SLC4A4: variants seen among roughly 807,000 people sequenced by gnomAD.
SLC4A4 encodes solute carrier family 4 member 4.
A neutral mutation model predicts 111.5 loss-of-function variants in SLC4A4; 27 were observed. The ratio of observed to expected loss-of-function variants is 0.24; its 90% CI spans 0.18 to 0.33. The LOEUF is 0.33. Ranked by LOEUF, SLC4A4 falls within the 10% of genes least tolerant of loss-of-function variation. SLC4A4 has a pLI of 1.00. For synonymous variants in SLC4A4, 443 were observed against 463.4 expected (o/e 0.96, Z 0.57); for missense variants, 909 against 1,315.5 (o/e 0.69, Z 4.78).
chr4:71,461,598 CCA>C (rs1424732649), intron 12 of SLC4A4, among the ~76,000 whole-genome samples: 1 of 152,070 alleles, frequency 6.6e-6, no homozygotes, highest in Non-Finnish European at 1.5e-5. Flanking sequence ...AGCCCTTGCC[CCA>C]AGTTGCTGAA....
At chr4:71,379,568 C>A (rs2148947970) in intron 6 of SLC4A4, among the ~76,000 whole-genome samples, 1 of 152,220 alleles carries the variant, frequency 6.6e-6, no homozygotes, top group Admixed American at 6.5e-5. Flanking sequence ...AACCCCAACC[C>A]CCTTCCCCCA....
At chr4:71,300,683 G>T in intron 3 of SLC4A4, 1 of 388,796 alleles carries the variant, frequency 2.6e-6, no homozygotes, top group South Asian at 2.4e-5. Context: ...AGGCCCAGCG[G>T]AGTGATATGT....
At chr4:71,471,380 T>C (rs959692389) in intron 13 of SLC4A4, among the ~76,000 whole-genome samples, 9 of 151,906 alleles carry the variant, frequency 5.9e-5, no homozygotes, top group African/African-American at 2.2e-4. Context: ...TGGCTTTGAG[T>C]GAGGCGAGTA....
At chr4:71,494,918 A>G (rs1730265152) in intron 15 of SLC4A4, among the ~76,000 whole-genome samples, 1 of 152,072 alleles carries the variant, frequency 6.6e-6, no homozygotes, top group Admixed American at 6.6e-5. Flanking sequence ...AATACAGATA[A>G]TATAGATGTG....
Position 71,557,489 on chromosome 4 carries a change from T to A in SLC4A4, c.2764-223T>A, listed in dbSNP as rs564917551. On this transcript the variant is annotated intron_variant, in intron 21 of 25. Transcript: ENST00000264485. ...ACCTTATTCTTTAGTGGCCACTTTTTCTTATACATCTACATAACATTCCCG... is the reference window on the plus strand; with the variant it reads ...ACCTTATTCTTTAGTGGCCACTTTTACTTATACATCTACATAACATTCCCG... Among the ~76,000 whole-genome samples, 6 of 152,102 alleles carry A rather than the reference T, an allele frequency of 3.9e-5. No homozygotes were observed. In the East Asian group the frequency reaches 1.2e-3, roughly 30 times the overall value.
chr4:71,436,323 C>T (rs537335496), intron 7 of SLC4A4, among the ~76,000 whole-genome samples: 2 of 152,264 alleles, frequency 1.3e-5, no homozygotes, highest in African/African-American at 4.8e-5. Context: ...AAACCAAGCA[C>T]TGCATGTTCT....
At chr4:71,331,181 C>G (rs1727951723) in intron 3 of SLC4A4, among the ~76,000 whole-genome samples, 1 of 152,150 alleles carries the variant, frequency 6.6e-6, no homozygotes, top group Non-Finnish European at 1.5e-5. Context: ...GGGGATTCCT[C>G]AGGGATCTAG....
At chr4:71,346,828 AC>A (rs1377280688) in intron 4 of SLC4A4, among the ~76,000 whole-genome samples, 1 of 152,152 alleles carries the variant, frequency 6.6e-6, no homozygotes, top group East Asian at 1.9e-4. Flanking sequence ...AGTTCCTTAA[AC>A]AATTAGAGCA....
chr4:71,091,508 C>T (rs1188835497), intron 1 of SLC4A4, among the ~76,000 whole-genome samples: 2 of 151,958 alleles, frequency 1.3e-5, no homozygotes, highest in African/African-American at 4.8e-5. Context: ...TTGTCTCGGC[C>T]TCCCAAAGTG....
chr4:71,521,497 G>T (rs745846546), intron 16 of SLC4A4, among the ~76,000 whole-genome samples: 2 of 152,106 alleles, frequency 1.3e-5, no homozygotes, highest in Non-Finnish European at 2.9e-5. Context: ...GCCTCACAAA[G>T]TAGTGGGATT....
chr4:71,562,578 C>CT (rs896467874), intron 23 of SLC4A4, among the ~76,000 whole-genome samples: 12 of 148,624 alleles, frequency 8.1e-5, no homozygotes, highest in Admixed American at 2.0e-4. Flanking sequence ...GCAACCACTG[C>CT]TTTTTTTTTT....
intron 1 of SLC4A4, among the ~76,000 whole-genome samples, chr4:71,222,874 A>T (rs564016764): frequency 6.6e-6 from 1 of 152,272 alleles, no homozygotes; most frequent in Admixed American, 6.5e-5. Context: ...AACAATTGTG[A>T]TTTCAACTAT....
chr4:71,349,351 TAAAG>T (rs1729609095), intron 4 of SLC4A4, among the ~76,000 whole-genome samples: 1 of 152,204 alleles, frequency 6.6e-6, no homozygotes, highest in Non-Finnish European at 1.5e-5. Context: ...ATATGTATAT[TAAAG>T]GAAGACACAA....
At chr4:71,374,949 T>C (rs990862577) in intron 6 of SLC4A4, among the ~76,000 whole-genome samples, 10 of 152,190 alleles carry the variant, frequency 6.6e-5, no homozygotes, top group Non-Finnish European at 1.2e-4. Flanking sequence ...CTCCCTTCTT[T>C]CGGACTTGGA....
chr4:71,179,987 C>T (rs903514867), intron 2 of SLC4A4, among the ~76,000 whole-genome samples: 2 of 152,174 alleles, frequency 1.3e-5, no homozygotes, highest in African/African-American at 4.8e-5. Flanking sequence ...CAAAATGGTA[C>T]TGGTACCAAA....
At chr4:71,332,751 G>A (rs1728118486) in intron 3 of SLC4A4, among the ~76,000 whole-genome samples, 2 of 152,198 alleles carry the variant, frequency 1.3e-5, no homozygotes, top group African/African-American at 2.4e-5. Flanking sequence ...TTTTCAAATA[G>A]CCTGTCTGCG....
At chr4:71,368,789 G>T (rs1176317347) in intron 6 of SLC4A4, among the ~76,000 whole-genome samples, 2 of 152,094 alleles carry the variant, frequency 1.3e-5, no homozygotes, top group African/African-American at 4.8e-5. Flanking sequence ...TCATCCATTG[G>T]TATTTGGGGA....
chr4:71,567,817 C>T lies in SLC4A4; in HGVS notation c.*66C>T, dbSNP rs1008813103. ...CCTAGAACTCCAGTAAAAGTTGTGC[C>T]TCAAATTAGAATAGAACTTGAACCT... On this transcript the variant is annotated 3_prime_UTR_variant, in exon 26 of 26. Transcript: ENST00000264485. 6.5e-7 allele frequency: 1 copy of T among 1,543,736 alleles called. No individual in the cohort carries two copies. Among genetic ancestry groups the T allele is most frequent in the South Asian group, 1.2e-5 (1 of 81,148 alleles).
intron 2 of SLC4A4, among the ~76,000 whole-genome samples, chr4:71,178,366 T>G (rs962784994): frequency 2.0e-5 from 3 of 150,138 alleles, no homozygotes; most frequent in African/African-American, 4.9e-5. Flanking sequence ...AGAGCAGAAA[T>G]GAAGGAAACA....
Sources: allele counts gnomAD v4.1 joint callset (sites outside exome capture counted in the v4.1 genomes callset), GRCh38; gene constraint gnomAD v4.1.1; transcripts MANE v1.5; gene names NCBI Gene and HGNC (gene_info 2026-07-23, HGNC 2026-07-21).